C12orf42: variants seen among roughly 807,000 people sequenced by gnomAD.
C12orf42 encodes uncharacterized protein C12orf42.
Under a neutral mutation model 21.6 loss-of-function variants are expected in C12orf42, and 25 were observed. The ratio of observed to expected loss-of-function variants is 1.16; its 90% CI spans 0.84 to 1.62. The LOEUF is 1.62. Among genes scored for constraint, C12orf42 ranks in the 40% most tolerant of loss-of-function variants. The pLI, the probability that C12orf42 is intolerant of heterozygous loss-of-function variation, is 0.00. For missense variants in C12orf42, 483 were observed against 459.3 expected, an observed-to-expected ratio of 1.05 and a Z score of -0.47; for synonymous variants, 174 against 175.0, an observed-to-expected ratio of 0.99 and a Z score of 0.05.
chr12:103,392,709 C>A (rs1424845719), intron 3 of C12orf42, among the ~76,000 whole-genome samples: 1 of 152,194 alleles, frequency 6.6e-6, no homozygotes, highest in Non-Finnish European at 1.5e-5. Flanking sequence ...TTTATTAGCT[C>A]TAACTCACTT....
the C12orf42 span, chr12:103,548,768 A>G: frequency 6.6e-6 from 1 of 152,156 alleles, no homozygotes; most frequent in South Asian, 2.1e-4. Flanking sequence ...CTCCGACCAC[A>G]CATCCTCTGA....
downstream of C12orf42, among the ~76,000 whole-genome samples, chr12:103,298,625 C>T (rs76109565): frequency 2.7e-3 from 413 of 152,054 alleles, 4 homozygotes; most frequent in African/African-American, 9.4e-3. Context: ...AATTTAACAG[C>T]GAAGACACTC....
intron 2 of C12orf42, among the ~76,000 whole-genome samples, chr12:103,435,043 G>A (rs1474571776): frequency 6.6e-6 from 1 of 152,158 alleles, no homozygotes; most frequent in Non-Finnish European, 1.5e-5. Flanking sequence ...CCAGCACGCA[G>A]CTGGAGATCT....
At chr12:103,130,895 T>TA in the C12orf42 span, among the ~76,000 whole-genome samples, 1 of 152,206 alleles carries the variant, frequency 6.6e-6, no homozygotes, top group Non-Finnish European at 1.5e-5. Flanking sequence ...CCCCTACACT[T>TA]ACCAACTAGT....
chr12:103,068,932 C>CTCT, the C12orf42 span, among the ~76,000 whole-genome samples: 4 of 48,188 alleles, frequency 8.3e-5, no homozygotes, highest in Non-Finnish European at 1.2e-4. Context: ...TCTCTCTCTC[C>CTCT]ACATATATAT....
chr12:103,082,050 G>T, the C12orf42 span, among the ~76,000 whole-genome samples: 1 of 152,176 alleles, frequency 6.6e-6, no homozygotes, highest in Non-Finnish European at 1.5e-5. Flanking sequence ...AGTGAGAACA[G>T]GTTGCCAGGA....
At chr12:103,546,137 G>A in the C12orf42 span, among the ~76,000 whole-genome samples, 4 of 152,160 alleles carry the variant, frequency 2.6e-5, no homozygotes, top group Non-Finnish European at 2.9e-5. Flanking sequence ...TGGGGATGAC[G>A]CCAATCACTG....
the C12orf42 span, among the ~76,000 whole-genome samples, chr12:103,125,536 T>C: frequency 1.3e-5 from 2 of 152,076 alleles, no homozygotes; most frequent in African/African-American, 4.8e-5. Flanking sequence ...TATATAAGTG[T>C]AAAAGATAGA....
chr12:103,227,277 C>T, the C12orf42 span, among the ~76,000 whole-genome samples: 26 of 149,070 alleles, frequency 1.7e-4, no homozygotes, highest in Middle Eastern at 3.3e-3. Context: ...GAGGTCGGGG[C>T]GTGGAAATAA....
chr12:103,077,571 G>A, the C12orf42 span, among the ~76,000 whole-genome samples: 1 of 152,152 alleles, frequency 6.6e-6, no homozygotes, highest in African/African-American at 2.4e-5. Flanking sequence ...AATCCAAGCT[G>A]GACACAGAGC....
At chr12:103,367,656 G>T (rs2044732210) in intron 4 of C12orf42, among the ~76,000 whole-genome samples, 1 of 151,892 alleles carries the variant, frequency 6.6e-6, no homozygotes, top group Non-Finnish European at 1.5e-5. Flanking sequence ...CAGTAAAAGT[G>T]TTTTCCCATG....
At chr12:103,162,506 GGTGTGT>G in the C12orf42 span, among the ~76,000 whole-genome samples, 102 of 147,620 alleles carry the variant, frequency 6.9e-4, no homozygotes, top group East Asian at 3.8e-3. Context: ...CCAACAAGCT[GGTGTGT>G]GTGTGTGTGT....
chr12:103,279,355 T>C (rs927707847), intron 4 of C12orf42, among the ~76,000 whole-genome samples: 5 of 152,206 alleles, frequency 3.3e-5, no homozygotes, highest in African/African-American at 1.2e-4. Flanking sequence ...ATGCATACAT[T>C]AAATATATGC....
the C12orf42 span, among the ~76,000 whole-genome samples, chr12:103,121,158 A>C: frequency 6.6e-5 from 10 of 152,246 alleles, no homozygotes; most frequent in Non-Finnish European, 1.3e-4. Context: ...TATTAAAATA[A>C]TGATAATGGA....
intron 2 of C12orf42, among the ~76,000 whole-genome samples, chr12:103,438,940 G>A (rs923223430): frequency 2.1e-3 from 313 of 152,086 alleles, no homozygotes; most frequent in African/African-American, 7.0e-3. Context: ...AAAAGAGCCC[G>A]CATCGCCAAG....
At chr12:103,295,971 G>A (rs1261198938) in intron 4 of C12orf42, among the ~76,000 whole-genome samples, 2 of 150,724 alleles carry the variant, frequency 1.3e-5, no homozygotes, top group Non-Finnish European at 3.0e-5. Context: ...CCATTAACTC[G>A]TCATTTGCAT....
rs2049348657 is a variant in C12orf42, at chr12:103,416,513, T to C, written c.79-14838A>G. Among the ~76,000 whole-genome samples the C allele has an allele frequency of 2.6e-5, 4 of 152,062 alleles. No homozygotes were observed. In the South Asian group the frequency reaches 8.3e-4, roughly 32 times the overall value. On this transcript the variant is annotated intron_variant, in intron 2 of 5. Coordinates refer to ENST00000548883, the MANE Select transcript of C12orf42 (RefSeq NM_198521.5). ...TACAGGAATGATAAATTCATGGGAA[T>C]AAAACATCCTCTTGAGACTGAAGAA...
chr12:103,136,608 G>T, the C12orf42 span, among the ~76,000 whole-genome samples: 45 of 152,164 alleles, frequency 3.0e-4, no homozygotes, highest in African/African-American at 1.0e-3. Flanking sequence ...AAAGCTGGAA[G>T]CATCAGACTA....
intron 4 of C12orf42, among the ~76,000 whole-genome samples, chr12:103,331,937 A>C (rs1319016664): frequency 2.6e-5 from 4 of 152,220 alleles, no homozygotes; most frequent in African/African-American, 9.6e-5. Context: ...CAATAGTGAG[A>C]ACAGGGGAAA....
Sources: allele counts gnomAD v4.1 joint callset (sites outside exome capture counted in the v4.1 genomes callset), GRCh38; gene constraint gnomAD v4.1.1; transcripts MANE v1.5; gene names NCBI Gene and HGNC (gene_info 2026-07-23, HGNC 2026-07-21).